ARL15: variants seen among roughly 807,000 people sequenced by gnomAD.
The protein encoded by ARL15 is ARF like GTPase 15.
ARL15 carries 19 observed loss-of-function variants against 25.2 expected under a neutral mutation model. The ratio of observed to expected loss-of-function variants is 0.75; its 90% CI spans 0.53 to 1.10. ARL15 has a LOEUF of 1.10. Among genes scored for constraint, ARL15 ranks in the 50% least tolerant of loss-of-function variants. The probability of loss-of-function intolerance (pLI) is 0.00; values close to 1 mark genes in which losing one functional copy is unlikely to be tolerated. For synonymous variants in ARL15, 94 were observed against 86.8 expected, an observed-to-expected ratio of 1.08 and a Z score of -0.46; for missense variants, 220 against 246.0, an observed-to-expected ratio of 0.89 and a Z score of 0.71.
At chr5:54,066,799 G>T (rs923752451) in intron 4 of ARL15, among the ~76,000 whole-genome samples, 1 of 152,076 alleles carries the variant, frequency 6.6e-6, no homozygotes, top group East Asian at 1.9e-4. Flanking sequence ...ATTCGATAAT[G>T]TTAAATTGTC....
intron 1 of ARL15, among the ~76,000 whole-genome samples, chr5:54,194,626 T>C (rs1755501634): frequency 6.6e-6 from 1 of 152,138 alleles, no homozygotes. Context: ...AATCTCACCC[T>C]AATAAAAATC....
intron 4 of ARL15, among the ~76,000 whole-genome samples, chr5:54,106,924 G>C (rs184624106): frequency 6.6e-6 from 1 of 152,256 alleles, no homozygotes; most frequent in East Asian, 1.9e-4. Flanking sequence ...TTTGGCATGG[G>C]CATTCAAGAC....
intron 4 of ARL15, among the ~76,000 whole-genome samples, chr5:54,032,564 T>G (rs1750025992): frequency 6.6e-6 from 1 of 151,268 alleles, no homozygotes. Context: ...TTGGTACATC[T>G]ATGTTGAGAA....
intron 4 of ARL15, among the ~76,000 whole-genome samples, chr5:54,092,403 T>C (rs1231435940): frequency 1.3e-5 from 2 of 151,780 alleles, no homozygotes; most frequent in African/African-American, 4.8e-5. Context: ...CCTATAGTTC[T>C]TAGACAAATT....
At chr5:54,246,453 G>T (rs1312744453) in intron 1 of ARL15, among the ~76,000 whole-genome samples, 2 of 152,018 alleles carry the variant, frequency 1.3e-5, no homozygotes, top group Non-Finnish European at 2.9e-5. Flanking sequence ...TCCCATGGAT[G>T]CCTCAAACTC....
intron 1 of ARL15, among the ~76,000 whole-genome samples, chr5:54,298,878 G>T (rs1405450032): frequency 7.6e-6 from 1 of 131,516 alleles, no homozygotes; most frequent in Admixed American, 8.1e-5. Flanking sequence ...CTTTCTGGTT[G>T]CTGTTGGTTT....
intron 4 of ARL15, among the ~76,000 whole-genome samples, chr5:54,094,612 A>T (rs112326444): frequency 7.9e-5 from 12 of 152,214 alleles, no homozygotes; most frequent in African/African-American, 2.9e-4. Flanking sequence ...CATTACCATT[A>T]TCTACATGAT....
At chr5:54,111,852 G>A (rs1667325196) in intron 4 of ARL15, among the ~76,000 whole-genome samples, 1 of 151,930 alleles carries the variant, frequency 6.6e-6, no homozygotes, top group South Asian at 2.1e-4. Flanking sequence ...TACTCTATAG[G>A]CAGAAAAACT....
intron 2 of ARL15, among the ~76,000 whole-genome samples, chr5:54,164,406 T>G (rs1000793836): frequency 3.9e-5 from 6 of 152,090 alleles, no homozygotes; most frequent in South Asian, 2.1e-4. Flanking sequence ...TGTTGAAGTC[T>G]GCTACGTACT....
Position 53,885,623 on chromosome 5 carries a change from T to A in ARL15, c.*938A>T, listed in dbSNP as rs770734657. The stretch of plus-strand genomic sequence containing the variant: ...GATGATTCTGTCTTTGTTATCTTTG[T>A]CAAATCCATGCCATCTTAAACCCTA... On this transcript the variant is annotated 3_prime_UTR_variant, in exon 5 of 5. Transcript: ENST00000504924. 6.6e-6 allele frequency: 1 copy of A among 152,658 alleles called. No individual in the cohort carries two copies. The highest frequency in any genetic ancestry group is 1.5e-5 in the Non-Finnish European group (1 of 68,038). The allele number at this position is 152,658 out of a possible 1,614,324, so 9.5% of individuals were successfully genotyped here. A position where few individuals can be genotyped will look rare whatever the true frequency, so the allele number is the denominator to read the frequency against.
chr5:53,920,510 TA>T (rs1159057689), intron 4 of ARL15, among the ~76,000 whole-genome samples: 1 of 151,856 alleles, frequency 6.6e-6, no homozygotes, highest in Non-Finnish European at 1.5e-5. Flanking sequence ...AATTTTTTTT[TA>T]AAAAGTATCT....
chr5:53,940,429 T>C (rs954392984), intron 4 of ARL15, among the ~76,000 whole-genome samples: 2 of 152,186 alleles, frequency 1.3e-5, no homozygotes, highest in Non-Finnish European at 2.9e-5. Flanking sequence ...AAATTAAACT[T>C]TGAAAGAGAT....
At chr5:54,041,172 G>A (rs751939120) in intron 4 of ARL15, among the ~76,000 whole-genome samples, 28 of 152,148 alleles carry the variant, frequency 1.8e-4, no homozygotes, top group Admixed American at 1.8e-3. Context: ...ATCAAATTGT[G>A]TATTATCTGG....
intron 4 of ARL15, among the ~76,000 whole-genome samples, chr5:53,899,288 C>T (rs564473326): frequency 7.3e-6 from 1 of 136,996 alleles, no homozygotes; most frequent in African/African-American, 2.9e-5. Context: ...GCAGAGATTG[C>T]AGTGAGCTGG....
intron 4 of ARL15, among the ~76,000 whole-genome samples, chr5:53,988,977 T>C (rs1748391922): frequency 6.6e-6 from 1 of 152,200 alleles, no homozygotes; most frequent in Non-Finnish European, 1.5e-5. Flanking sequence ...GCAAGTTATG[T>C]GTCTCTGAGT....
intron 4 of ARL15, among the ~76,000 whole-genome samples, chr5:54,009,387 A>G (rs185143106): frequency 2.4e-4 from 36 of 152,270 alleles, no homozygotes; most frequent in African/African-American, 7.7e-4. Context: ...ATTCACTCAA[A>G]TATAGATTTG....
At chr5:54,236,195 T>C (rs1756800695) in intron 1 of ARL15, among the ~76,000 whole-genome samples, 1 of 152,210 alleles carries the variant, frequency 6.6e-6, no homozygotes, top group South Asian at 2.1e-4. Context: ...TGATAGTGTC[T>C]GATCGGATAA....
At chr5:54,156,998 G>T (rs1754254060) in intron 2 of ARL15, among the ~76,000 whole-genome samples, 1 of 152,320 alleles carries the variant, frequency 6.6e-6, no homozygotes, top group East Asian at 1.9e-4. Flanking sequence ...CCTCACACGG[G>T]TGTTATATGG....
chr5:54,113,123 A>C, intron 4 of ARL15, 79 bp downstream of exon 4: 1 of 1,373,062 alleles, frequency 7.3e-7, no homozygotes, highest in Non-Finnish European at 1.0e-6. Flanking sequence ...TCCTAATTAC[A>C]TGCATTTTTC....
Sources: gnomAD v4.1 joint callset for allele counts (sites outside exome capture counted in the v4.1 genomes callset) on GRCh38, gnomAD v4.1.1 for gene constraint, MANE v1.5 for transcripts, NCBI Gene and HGNC (gene_info 2026-07-23, HGNC 2026-07-21) for gene names.